SCHIP1: variants seen among roughly 807,000 people sequenced by gnomAD.
SCHIP1 encodes the protein schwannomin-interacting protein 1.
Under a neutral mutation model 29.7 loss-of-function variants are expected in SCHIP1, and 8 were observed. That is an observed-to-expected ratio of 0.27 (90% CI 0.16 to 0.49). The LOEUF is 0.49. Ranked by LOEUF, SCHIP1 falls within the 20% of genes least tolerant of loss-of-function variation. SCHIP1 has a pLI of 0.99. For synonymous variants in SCHIP1, 76 were observed against 94.9 expected, an observed-to-expected ratio of 0.80 and a Z score of 1.16; for missense variants, 193 against 294.6, an observed-to-expected ratio of 0.66 and a Z score of 2.52.
the SCHIP1 span, among the ~76,000 whole-genome samples, chr3:159,445,684 A>C: frequency 1.3e-5 from 2 of 152,236 alleles, no homozygotes; most frequent in African/African-American, 4.8e-5. Context: ...ATACCATGTA[A>C]CAGTATGCAG....
the SCHIP1 span, among the ~76,000 whole-genome samples, chr3:159,629,563 G>A: frequency 6.6e-6 from 1 of 152,148 alleles, no homozygotes; most frequent in Non-Finnish European, 1.5e-5. Flanking sequence ...TTTCCAGAAT[G>A]AAAGTGACTT....
chr3:159,808,888 C>T, the SCHIP1 span, among the ~76,000 whole-genome samples: 33 of 151,676 alleles, frequency 2.2e-4, no homozygotes, highest in African/African-American at 7.8e-4. Context: ...ACCTGGGAGA[C>T]AGAGGTTGCA....
chr3:159,659,496 T>C, the SCHIP1 span, among the ~76,000 whole-genome samples: 1,126 of 152,314 alleles, frequency 7.4e-3, 18 homozygotes, highest in African/African-American at 0.026. Context: ...GATATTTACC[T>C]GCATGGCACT....
chr3:159,593,077 G>A, the SCHIP1 span, among the ~76,000 whole-genome samples: 1 of 152,088 alleles, frequency 6.6e-6, no homozygotes, highest in Non-Finnish European at 1.5e-5. Context: ...TTCCTCATCT[G>A]CAGGATGAGA....
chr3:159,794,852 A>C, the SCHIP1 span, among the ~76,000 whole-genome samples: 2 of 152,122 alleles, frequency 1.3e-5, no homozygotes, highest in African/African-American at 4.8e-5. Context: ...GGGAGGGGAA[A>C]GGCTCCTGGC....
the SCHIP1 span, among the ~76,000 whole-genome samples, chr3:159,649,962 A>G: frequency 6.6e-6 from 1 of 152,228 alleles, no homozygotes; most frequent in African/African-American, 2.4e-5. Context: ...CCCAAGACAT[A>G]GGTATATTCT....
the SCHIP1 span, among the ~76,000 whole-genome samples, chr3:159,739,132 A>T: frequency 6.6e-6 from 1 of 152,232 alleles, no homozygotes; most frequent in Admixed American, 6.5e-5. Flanking sequence ...ACCGGGGATG[A>T]TAAACATCTT....
chr3:159,816,720 C>T, the SCHIP1 span, among the ~76,000 whole-genome samples: 4 of 152,236 alleles, frequency 2.6e-5, no homozygotes, highest in African/African-American at 9.6e-5. Flanking sequence ...TATATCAGCC[C>T]TGCTGACCTC....
chr3:159,580,698 T>A, the SCHIP1 span, among the ~76,000 whole-genome samples: 2 of 152,198 alleles, frequency 1.3e-5, no homozygotes, highest in Non-Finnish European at 2.9e-5. Flanking sequence ...CCCTTTTTCA[T>A]TTTTCTGAGA....
the SCHIP1 span, among the ~76,000 whole-genome samples, chr3:159,426,569 G>T: frequency 6.6e-6 from 1 of 152,154 alleles, no homozygotes; most frequent in Non-Finnish European, 1.5e-5. Flanking sequence ...AAGAGTCCAG[G>T]ATCAGATGGA....
chr3:159,332,529 A>T, the SCHIP1 span, among the ~76,000 whole-genome samples: 1 of 152,196 alleles, frequency 6.6e-6, no homozygotes, highest in African/African-American at 2.4e-5. Context: ...TCTAGAAATA[A>T]ATGTGTTCAC....
At chr3:159,578,013 C>A in the SCHIP1 span, among the ~76,000 whole-genome samples, 1 of 152,124 alleles carries the variant, frequency 6.6e-6, no homozygotes, top group Non-Finnish European at 1.5e-5. Context: ...TGAATCACTG[C>A]CAGCATTCTT....
the SCHIP1 span, among the ~76,000 whole-genome samples, chr3:159,396,833 T>A: frequency 6.6e-6 from 1 of 151,856 alleles, no homozygotes; most frequent in Admixed American, 6.6e-5. Context: ...ATCTTTGTGG[T>A]GTTCTCTGTA....
chr3:159,680,689 A>G, the SCHIP1 span, among the ~76,000 whole-genome samples: 1 of 50,144 alleles, frequency 2.0e-5, no homozygotes, highest in Non-Finnish European at 3.1e-5. Context: ...TAATATATGT[A>G]TATATATAAT....
chr3:159,631,878 C>G, the SCHIP1 span, among the ~76,000 whole-genome samples: 1 of 152,108 alleles, frequency 6.6e-6, no homozygotes, highest in Non-Finnish European at 1.5e-5. Context: ...TGGAACATCT[C>G]TAAATATTAA....
the SCHIP1 span, among the ~76,000 whole-genome samples, chr3:159,423,528 C>A: frequency 2.0e-5 from 3 of 152,230 alleles, no homozygotes; most frequent in Admixed American, 2.0e-4. Context: ...ATTGCCCAGG[C>A]TTGCTTAGGT....
At chr3:159,856,472 A>G (rs1490875724) in intron 1 of SCHIP1, among the ~76,000 whole-genome samples, 1 of 152,098 alleles carries the variant, frequency 6.6e-6, no homozygotes, top group Non-Finnish European at 1.5e-5. Flanking sequence ...TGGGGCAGGG[A>G]AAGATCTAAA....
At chr3:159,334,175 T>C in the SCHIP1 span, among the ~76,000 whole-genome samples, 1 of 152,194 alleles carries the variant, frequency 6.6e-6, no homozygotes, top group African/African-American at 2.4e-5. Flanking sequence ...TATTGCTTGA[T>C]GATATCTGCT....
At chr3:159,565,270 TTTTA>T in the SCHIP1 span, among the ~76,000 whole-genome samples, 4 of 152,194 alleles carry the variant, frequency 2.6e-5, no homozygotes, top group Non-Finnish European at 4.4e-5. Context: ...CGAAAGTCAT[TTTTA>T]TTTGTCTACA....
Sources: allele counts gnomAD v4.1 joint callset (sites outside exome capture counted in the v4.1 genomes callset), GRCh38; gene constraint gnomAD v4.1.1; transcripts MANE v1.5; gene names NCBI Gene and HGNC (gene_info 2026-07-23, HGNC 2026-07-21).